ACAD9: variants seen among roughly 807,000 people sequenced by gnomAD.
The protein encoded by ACAD9 is complex I assembly factor ACAD9, mitochondrial.
ACAD9 carries 53 observed loss-of-function variants against 70.2 expected under a neutral mutation model. The observed-to-expected ratio is 0.75, with a 90% CI of 0.61 to 0.95. The LOEUF is 0.95. Ranked by LOEUF, ACAD9 falls within the 40% of genes least tolerant of loss-of-function variation. ACAD9 has a pLI of 0.00. For synonymous variants in ACAD9, 313 were observed against 312.1 expected (o/e 1.00, Z -0.03); for missense variants, 777 against 802.8 (o/e 0.97, Z 0.39).
Position 128,912,647 on chromosome 3 carries a change from C to T in ACAD9, c.*40C>T. 1 of 1,518,522 alleles carries T rather than the reference C, an allele frequency of 6.6e-7. No homozygotes were observed. Among genetic ancestry groups the T allele is most frequent in the East Asian group, 2.3e-5 (1 of 44,430 alleles). The allele number at this position is 1,518,522 out of a possible 1,614,324, so 94.1% of individuals were successfully genotyped here. A position where few individuals can be genotyped will look rare whatever the true frequency, so the allele number is the denominator to read the frequency against. ...TCCCCTGCTACCGCCCGCCCCTACC[C>T]ATGGCCCGTTGCTGGATGACTGTTA... On this transcript the variant is annotated 3_prime_UTR_variant, in exon 18 of 18. Coordinates refer to ENST00000308982, the MANE Select transcript of ACAD9 (RefSeq NM_014049.5).
In ACAD9 at chr3:128,906,110, ACACCCCACAGGTGTT is replaced by A. The variant is rs1241817909; in HGVS notation, c.1150-8_1156del. 2 of 1,614,108 alleles carry A rather than the reference ACACCCCACAGGTGTT, an allele frequency of 1.2e-6. No homozygotes were observed. The highest frequency in any genetic ancestry group is 1.7e-6 in the Non-Finnish European group (2 of 1,180,018). Reference sequence around the variant, plus strand: ...CTCCTTTTGGAAAGGATTCAGTGTGACACCCCACAGGTGTTCAGCTCCGAGGCCGCCTGGCAGTGT... The same window carrying A: ...CTCCTTTTGGAAAGGATTCAGTGTGACAGCTCCGAGGCCGCCTGGCAGTGT... On this transcript the variant is annotated splice_acceptor_variant and splice_polypyrimidine_tract_variant and coding_sequence_variant and intron_variant, in exon 12 of 18. Coordinates refer to ENST00000308982, the MANE Select transcript of ACAD9 (RefSeq NM_014049.5). LOFTEE classifies it high-confidence loss of function.
At chr3:128,884,589 T>G in intron 1 of ACAD9, 64 bp from the exon 2 acceptor site, 2 of 1,219,736 alleles carry the variant, frequency 1.6e-6, no homozygotes, top group Non-Finnish European at 2.4e-6. Flanking sequence ...CCCTTTTAAC[T>G]GATATTTCCG....
chr3:128,903,174 T>C (rs1337622157), intron 9 of ACAD9, among the ~76,000 whole-genome samples: 2 of 152,152 alleles, frequency 1.3e-5, no homozygotes, highest in African/African-American at 2.4e-5. Context: ...CCTGTAACCA[T>C]CCTGGTTGTG....
chr3:128,903,192 C>A, intron 9 of ACAD9, among the ~76,000 whole-genome samples: 1 of 152,210 alleles, frequency 6.6e-6, no homozygotes, highest in Non-Finnish European at 1.5e-5. Flanking sequence ...GTGGTGGAAG[C>A]ATTTGCGGGG....
chr3:128,884,307 G>T (rs789233), intron 1 of ACAD9, among the ~76,000 whole-genome samples: 67,855 of 152,088 alleles, frequency 0.45, 18,237 homozygotes, highest in African/African-American at 0.75. Context: ...GCCACATAAT[G>T]AGTAAGCCTG....
At chr3:128,898,463 T>TGGCACGATCTTGGCTCACTGCAGC (rs1286520297) in intron 6 of ACAD9, 1 of 448,840 alleles carries the variant, frequency 2.2e-6, no homozygotes, top group Non-Finnish European at 4.4e-6. Context: ...TGGAGTGCAG[T>TGGCACGATCTTGGCTCACTGCAGC]GGCACGATCT....
chr3:128,886,771 T>G (rs1015693746), intron 2 of ACAD9, among the ~76,000 whole-genome samples: 3 of 149,994 alleles, frequency 2.0e-5, no homozygotes, highest in Non-Finnish European at 3.0e-5. Flanking sequence ...ATGGAAAGAG[T>G]GACATTGGTT....
intron 16 of ACAD9, 53 bp downstream of exon 16, chr3:128,910,202 G>A: frequency 1.9e-6 from 3 of 1,596,380 alleles, no homozygotes; most frequent in Non-Finnish European, 2.6e-6. Context: ...CTGTCCTGCT[G>A]CACTTTAATG....
At chr3:128,897,480 T>C in intron 5 of ACAD9, 152 bp from the exon 6 acceptor site, 1 of 719,382 alleles carries the variant, frequency 1.4e-6, no homozygotes, top group African/African-American at 1.7e-5. Context: ...ACAGACATCC[T>C]GCAGCTTGGA....
At chr3:128,895,268 T>C (rs1007730431) in intron 3 of ACAD9, 42 bp from the exon 4 acceptor site, 3 of 1,495,536 alleles carry the variant, frequency 2.0e-6, no homozygotes, top group South Asian at 1.2e-5. Flanking sequence ...ATGGGAGGAA[T>C]CTAGGGCTGG....
intron 3 of ACAD9, among the ~76,000 whole-genome samples, chr3:128,894,214 G>A (rs1302433774): frequency 6.6e-6 from 1 of 152,166 alleles, no homozygotes; most frequent in Non-Finnish European, 1.5e-5. Context: ...AAAGGCCAAG[G>A]ATGCTGCTAA....
chr3:128,901,481 T>A (rs769851348), intron 8 of ACAD9, 132 bp downstream of exon 8: 1 of 1,018,864 alleles, frequency 9.8e-7, no homozygotes, highest in Non-Finnish European at 1.5e-6. Context: ...GGTTATCTGT[T>A]GGGAAATTGG....
At chr3:128,910,462 T>A in intron 16 of ACAD9, 1 of 913,454 alleles carries the variant, frequency 1.1e-6, no homozygotes, top group Non-Finnish European at 1.6e-6. Context: ...ACCCACTGTA[T>A]ACCAGGATCT....
At chr3:128,908,406 C>T in intron 13 of ACAD9, 142 bp downstream of exon 13, 1 of 1,010,532 alleles carries the variant, frequency 9.9e-7, no homozygotes, top group Non-Finnish European at 1.5e-6. Context: ...GGGACCTTCC[C>T]CTGTGGTAGT....
chr3:128,908,629 T>C, intron 13 of ACAD9: 1 of 536,434 alleles, frequency 1.9e-6, no homozygotes, highest in Admixed American at 3.1e-5. Flanking sequence ...CTTCTTCCCC[T>C]CATGCTCCCC....
chr3:128,880,095 G>A (rs775989361), intron 1 of ACAD9: 1 of 1,379,808 alleles, frequency 7.2e-7, no homozygotes, highest in Non-Finnish European at 9.8e-7. Flanking sequence ...AGGGGAATTC[G>A]GAAAACTCTA....
chr3:128,912,479 ACCCACCATCTCT>A lies in ACAD9; in HGVS notation c.1766-25_1766-14del. On this transcript the variant is annotated splice_polypyrimidine_tract_variant and intron_variant, in intron 17 of 17. Transcript: ENST00000308982. ...TGTCTTATCACGGTGCAGAAAGATC[ACCCACCATCTCT>A]CCTTTTCCTTCCCAGATGCTCCAGA... The A allele has an allele frequency of 6.3e-7, 1 of 1,593,640 alleles. No individual in the cohort carries two copies.
At chr3:128,887,411 G>C (rs1409600871) in intron 2 of ACAD9, among the ~76,000 whole-genome samples, 1 of 151,924 alleles carries the variant, frequency 6.6e-6, no homozygotes, top group Non-Finnish European at 1.5e-5. Context: ...TTTGAGACCA[G>C]CCTAGGCAAT....
Position 128,895,409 on chromosome 3 carries a change from G to C in ACAD9, c.446G>C (p.Gly149Ala). The C allele has an allele frequency of 6.2e-7, 1 of 1,606,892 alleles. No homozygotes were observed. Among genetic ancestry groups the C allele is most frequent in the South Asian group, 1.1e-5 (1 of 89,510 alleles). Residue 149 changes from glycine (G) to alanine (A), a missense_variant, in exon 4 of 18, where the codon GGC (glycine) becomes GCC (alanine). By Grantham distance (60) the Gly-to-Ala change is moderately conservative. Transcript: ENST00000308982. ...ACCCTGGCAGCGCACCAGGCTATTG[G>C]CCTCAAGGTCAGGTATCTGGGGATT... Reference protein sequence around the residue: ...TVTLAAHQAIGLKGIILAGTE... With the variant: ...TVTLAAHQAIALKGIILAGTE...
Sources: gnomAD v4.1 joint callset for allele counts (sites outside exome capture counted in the v4.1 genomes callset) on GRCh38, gnomAD v4.1.1 for gene constraint, MANE v1.5 for transcripts, NCBI Gene and HGNC (gene_info 2026-07-23, HGNC 2026-07-21) for gene names.